FRMPD2: variants seen among roughly 807,000 people sequenced by gnomAD.
FRMPD2 encodes FERM and PDZ domain containing 2, also known as FERM and PDZ domain-containing protein 2.
A neutral mutation model predicts 140.1 loss-of-function variants in FRMPD2; 96 were observed. That is an observed-to-expected ratio of 0.69 (90% CI 0.58 to 0.81). FRMPD2 has a LOEUF of 0.81. Ranked by LOEUF, FRMPD2 falls within the 40% of genes least tolerant of loss-of-function variation. The probability of loss-of-function intolerance (pLI) is 0.00; values close to 1 mark genes in which losing one functional copy is unlikely to be tolerated. For missense variants in FRMPD2, 1,240 were observed against 1,447.4 expected, an observed-to-expected ratio of 0.86 and a Z score of 2.32; for synonymous variants, 449 against 547.6, an observed-to-expected ratio of 0.82 and a Z score of 2.52.
At chr10:48,263,619 T>C (rs767675334) in intron 1 of FRMPD2, among the ~76,000 whole-genome samples, 4 of 152,124 alleles carry the variant, frequency 2.6e-5, no homozygotes, top group Non-Finnish European at 5.9e-5. Flanking sequence ...CATCTAAGTA[T>C]GCCTATACGT....
In FRMPD2 at chr10:48,249,188, A is replaced by G. The variant is rs749026306; in HGVS notation, c.152-10T>C. ...ACATAGTCCGAGGAATCTGAAACCA[A>G]GCCAGTGATGGGGCTGTAGAGACAG... On this transcript the variant is annotated splice_polypyrimidine_tract_variant and intron_variant, in intron 2 of 28. Coordinates refer to ENST00000374201, the MANE Select transcript of FRMPD2 (RefSeq NM_001018071.4). The G allele has an allele frequency of 2.6e-5, 42 of 1,613,082 alleles. No individual in the cohort carries two copies. Among genetic ancestry groups the G allele is most frequent in the Non-Finnish European group, 3.1e-5 (36 of 1,179,450 alleles).
In FRMPD2 at chr10:48,252,715, CT is replaced by C. The variant is rs373714444; in HGVS notation, c.26-1025del. Among the ~76,000 whole-genome samples the C allele has an allele frequency of 4.7e-3, 720 of 152,330 alleles. 4 individuals carry two copies. Among genetic ancestry groups the C allele is most frequent in the African/African-American group, 0.016 (646 of 41,566 alleles). ...GCCGCAGCAGGACCCCCTCAGAAAGCTTGACCTGTGAGCCGTCACTTATCAC... is the reference window on the plus strand; with the variant it reads ...GCCGCAGCAGGACCCCCTCAGAAAGCTGACCTGTGAGCCGTCACTTATCAC... On this transcript the variant is annotated intron_variant, in intron 1 of 28. Transcript: ENST00000374201.
intron 1 of FRMPD2, among the ~76,000 whole-genome samples, chr10:48,273,775 C>A (rs1427945088): frequency 6.6e-6 from 1 of 151,996 alleles, no homozygotes; most frequent in Non-Finnish European, 1.5e-5. Context: ...CAAGTAAGTT[C>A]TCGTTGAATT....
chr10:48,191,778 G>T, intron 16 of FRMPD2, among the ~76,000 whole-genome samples: 1 of 152,146 alleles, frequency 6.6e-6, no homozygotes, highest in East Asian at 1.9e-4. Context: ...CCAAGTCCTA[G>T]GCTATTTTTA....
Position 48,238,078 on chromosome 10 carries a change from C to A in FRMPD2, c.834G>T (p.Arg278Ser). 6.2e-7 allele frequency: 1 copy of A among 1,613,718 alleles called. No individual in the cohort carries two copies. Among genetic ancestry groups the A allele is most frequent in the Non-Finnish European group, 8.5e-7 (1 of 1,180,006 alleles). ...ADPQDQQAGR[R>S]LSSGSVHSAA... ...CCGAGTGCACAGATCCAGAGCTGAG[C>A]CTCCGGCCCGCCTGCTGGTCCTGGG... Residue 278 changes from arginine to serine, a missense_variant, in exon 8 of 29, where the codon AGG becomes AGT. By Grantham distance (110) the Arg-to-Ser change is moderately radical (BLOSUM62 -1). Transcript: ENST00000374201.
Position 48,274,659 on chromosome 10 carries a change from C to T in FRMPD2, c.-92G>A. On this transcript the variant is annotated 5_prime_UTR_variant, in exon 1 of 29. Coordinates refer to ENST00000374201, the MANE Select transcript of FRMPD2 (RefSeq NM_001018071.4). The stretch of plus-strand genomic sequence containing the variant: ...CTCTTGCAAGTCTGTCCGCGGAGCT[C>T]CCTGCCACCAGCACTGTTGCCGCTG... 1 of 1,198,756 alleles carries T rather than the reference C, an allele frequency of 8.3e-7. No individual in the cohort carries two copies. The highest frequency in any genetic ancestry group is 1.2e-6 in the Non-Finnish European group (1 of 811,322). The allele number at this position is 1,198,756 out of a possible 1,614,324, so 74.3% of individuals were successfully genotyped here.
rs773716172 is a variant in FRMPD2, at chr10:48,212,127, A to G, written c.1456-18T>C. The G allele has an allele frequency of 6.2e-7, 1 of 1,613,394 alleles. No individual in the cohort carries two copies. The highest frequency in any genetic ancestry group is 1.1e-5 in the South Asian group (1 of 91,006). On this transcript the variant is annotated intron_variant, in intron 12 of 28. Transcript: ENST00000374201. ...TCCACCTGCTGGAAGTAAGATGTAG[A>G]AGGGAAGGGCACAATCCAGACACTG... is the stretch of plus-strand genomic sequence containing the variant.
chr10:48,245,410 C>G (rs1233477431), intron 3 of FRMPD2, among the ~76,000 whole-genome samples: 1 of 152,198 alleles, frequency 6.6e-6, no homozygotes, highest in Non-Finnish European at 1.5e-5. Context: ...CATTACAGTT[C>G]AGCCTGATTA....
At chr10:48,163,234 T>C (rs1367648977) in intron 28 of FRMPD2, 94 bp downstream of exon 28, 9 of 735,106 alleles carry the variant, frequency 1.2e-5, no homozygotes, top group East Asian at 7.6e-5. Context: ...GGGCACAAAA[T>C]CATCCAAGCA....
intron 10 of FRMPD2, 123 bp downstream of exon 10, chr10:48,231,992 G>C (rs1839857636): frequency 1.3e-6 from 1 of 789,440 alleles, no homozygotes; most frequent in African/African-American, 1.7e-5. Flanking sequence ...CTAATGTCTA[G>C]GCATACAAAG....
chr10:48,187,080 A>G, intron 17 of FRMPD2, 112 bp downstream of exon 17: 1 of 657,806 alleles, frequency 1.5e-6, no homozygotes. Context: ...AAAAAACAAG[A>G]AGGTTACAAA....
At chr10:48,255,234 C>G (rs1383632170) in intron 1 of FRMPD2, among the ~76,000 whole-genome samples, 6 of 152,196 alleles carry the variant, frequency 3.9e-5, no homozygotes. Context: ...GGAGATCCCA[C>G]TAGCCCATCC....
chr10:48,239,575 T>A, intron 7 of FRMPD2, 30 bp downstream of exon 7: 1 of 1,571,020 alleles, frequency 6.4e-7, no homozygotes, highest in African/African-American at 1.3e-5. Context: ...CACATCAAGT[T>A]CACAGCACCC....
intron 15 of FRMPD2, among the ~76,000 whole-genome samples, chr10:48,196,821 A>C (rs963296891): frequency 6.6e-6 from 1 of 152,154 alleles, no homozygotes; most frequent in Admixed American, 6.5e-5. Flanking sequence ...ATTCCTAAAA[A>C]CTCCTAAGAC....
intron 1 of FRMPD2, among the ~76,000 whole-genome samples, chr10:48,268,965 T>G (rs1016860719): frequency 6.6e-6 from 1 of 152,098 alleles, no homozygotes; most frequent in Non-Finnish European, 1.5e-5. Flanking sequence ...TGACCATATA[T>G]GAAAATTAAA....
At chr10:48,190,367 A>C (rs1434232428) in intron 16 of FRMPD2, among the ~76,000 whole-genome samples, 1 of 151,970 alleles carries the variant, frequency 6.6e-6, no homozygotes, top group African/African-American at 2.4e-5. Context: ...CCTTTGACCA[A>C]AGGGAAGTAG....
At chr10:48,201,134 G>T in intron 15 of FRMPD2, 94 bp downstream of exon 15, 2 of 872,050 alleles carry the variant, frequency 2.3e-6, no homozygotes, top group East Asian at 2.9e-5. Flanking sequence ...AACTCTATTA[G>T]AGGTCCCCAG....
At chr10:48,226,807 G>C (rs1839732392) in intron 10 of FRMPD2, among the ~76,000 whole-genome samples, 1 of 152,126 alleles carries the variant, frequency 6.6e-6, no homozygotes, top group East Asian at 1.9e-4. Flanking sequence ...CTTCTTATGG[G>C]GGCTCCCATG....
chr10:48,184,170 T>C (rs930553249), intron 20 of FRMPD2, among the ~76,000 whole-genome samples: 2 of 152,068 alleles, frequency 1.3e-5, no homozygotes, highest in African/African-American at 4.8e-5. Flanking sequence ...GCTATACCTA[T>C]ACAAAATATA....
Sources: gnomAD v4.1 joint callset for allele counts (sites outside exome capture counted in the v4.1 genomes callset) on GRCh38, gnomAD v4.1.1 for gene constraint, MANE v1.5 for transcripts, NCBI Gene and HGNC (gene_info 2026-07-23, HGNC 2026-07-21) for gene names.